The following ACOT11 variants were observed in gnomAD, a reference collection of about 807,000 sequenced individuals.
ACOT11 encodes acyl-coenzyme A thioesterase 11.
Under a neutral mutation model 77.5 loss-of-function variants are expected in ACOT11, and 69 were observed. The ratio of observed to expected loss-of-function variants is 0.89; its 90% CI spans 0.73 to 1.09. ACOT11 has a LOEUF of 1.09. Ranked by LOEUF, ACOT11 falls within the 50% of genes least tolerant of loss-of-function variation. The pLI, the probability that ACOT11 is intolerant of heterozygous loss-of-function variation, is 0.00. For synonymous variants in ACOT11, 279 were observed against 313.0 expected, an observed-to-expected ratio of 0.89 and a Z score of 1.15; for missense variants, 766 against 813.7, an observed-to-expected ratio of 0.94 and a Z score of 0.71.
chr1:54,626,635 A>G (rs1644274556), intron 15 of ACOT11, among the ~76,000 whole-genome samples: 1 of 79,556 alleles, frequency 1.3e-5, no homozygotes, highest in African/African-American at 3.3e-5. Flanking sequence ...GCCTGATTTT[A>G]TCCATCTACT....
At position 54,585,858 on chromosome 1, in the gene ACOT11, T is replaced by A; in HGVS notation, c.265T>A (p.Cys89Ser). Residue 89 changes from cysteine (C) to serine (S), a missense_variant, in exon 3 of 16, where the codon TGT (cysteine) becomes AGT (serine). Transcript: ENST00000343744. ...LSAERHAGCP[C>S]VTASMDDIYF... Reference sequence around the variant, plus strand: ...AGCGGAGAGGCACGCTGGCTGCCCCTGTGTCACAGCTTCCATGGATGACAT... The same window carrying A: ...AGCGGAGAGGCACGCTGGCTGCCCCAGTGTCACAGCTTCCATGGATGACAT... 2 of 1,614,076 alleles carry A rather than the reference T, an allele frequency of 1.2e-6. No individual in the cohort carries two copies. The highest frequency in any genetic ancestry group is 1.7e-6 in the Non-Finnish European group (2 of 1,179,980).
intron 3 of ACOT11, among the ~76,000 whole-genome samples, chr1:54,586,237 G>A (rs77239839): frequency 0.045 from 6,778 of 152,064 alleles, 514 homozygotes; most frequent in African/African-American, 0.16. Flanking sequence ...GAATGGATGG[G>A]GTTAGACTTA....
At chr1:54,605,966 G>A (rs758487895) in intron 13 of ACOT11, among the ~76,000 whole-genome samples, 5 of 152,170 alleles carry the variant, frequency 3.3e-5, no homozygotes, top group Non-Finnish European at 5.9e-5. Flanking sequence ...GAGAATTTCC[G>A]TAAGGAGGTT....
intron 15 of ACOT11, among the ~76,000 whole-genome samples, chr1:54,621,976 A>G (rs1363669145): frequency 6.6e-6 from 1 of 152,002 alleles, no homozygotes; most frequent in Non-Finnish European, 1.5e-5. Context: ...GTGAAGTAGT[A>G]AAAAAAGTTA....
intron 9 of ACOT11, 120 bp from the exon 10 acceptor site, chr1:54,602,549 G>T: frequency 1.1e-6 from 1 of 942,722 alleles, no homozygotes; most frequent in Non-Finnish European, 1.5e-6. Flanking sequence ...GATTCCAGCT[G>T]CCCCAGCGAC....
intron 1 of ACOT11, among the ~76,000 whole-genome samples, chr1:54,563,974 G>A (rs1653644741): frequency 6.6e-6 from 1 of 152,128 alleles, no homozygotes; most frequent in African/African-American, 2.4e-5. Context: ...GCTGAGGCAG[G>A]AGAATCGCTT....
chr1:54,597,688 A>G (rs1278608928), intron 7 of ACOT11: 6 of 487,018 alleles, frequency 1.2e-5, no homozygotes, highest in Non-Finnish European at 2.2e-5. Flanking sequence ...TCTAGTATCT[A>G]TGTTCCCTTC....
In ACOT11 at chr1:54,592,544, A is replaced by G; in HGVS notation, c.312-2A>G. ...GCTCACCTCCTACTTTCCTCTCCCC[A>G]GTGTTGGACAAGTGGTGAATATCAA... is the stretch of plus-strand genomic sequence containing the variant. On this transcript the variant is annotated splice_acceptor_variant, in intron 3 of 15. Transcript: ENST00000343744. LOFTEE classifies it high-confidence loss of function. 1 of 1,611,686 alleles carries G rather than the reference A, an allele frequency of 6.2e-7. No individual in the cohort carries two copies. Among genetic ancestry groups the G allele is most frequent in the Non-Finnish European group, 8.5e-7 (1 of 1,178,922 alleles).
chr1:54,638,208 C>T (rs2101037938), exon 17 of ACOT11: 1 of 152,340 alleles, frequency 6.6e-6, no homozygotes, highest in Admixed American at 6.5e-5. Flanking sequence ...GGCAGACTAA[C>T]TTCTCGACAG....
intron 3 of ACOT11, among the ~76,000 whole-genome samples, chr1:54,591,885 A>G (rs975521320): frequency 6.6e-5 from 10 of 152,258 alleles, no homozygotes; most frequent in African/African-American, 2.4e-4. Flanking sequence ...TGCCAAGCTT[A>G]TTCTGAGGTT....
rs74310754 is a variant in ACOT11 at position 54,601,140 on chromosome 1, C to CATGT, written c.885-129_885-128insATGT. The CATGT allele has an allele frequency of 1.5e-4, 117 of 773,680 alleles. 2 individuals carry two copies. The highest frequency in any genetic ancestry group is 1.9e-4 in the Non-Finnish European group (98 of 510,974). The allele number at this position is 773,680 out of a possible 1,614,324, so 47.9% of individuals were successfully genotyped here. A position where few individuals can be genotyped will look rare whatever the true frequency, so the allele number is the denominator to read the frequency against. ...ACATGTGTGTGTATGTGTGTGCATA[C>CATGT]GTGTGTGTGTGTGCATGCATGTGTG... is the stretch of plus-strand genomic sequence containing the variant. On this transcript the variant is annotated intron_variant, in intron 8 of 15. Transcript: ENST00000343744.
chr1:54,622,598 G>A (rs1442198515), intron 15 of ACOT11, among the ~76,000 whole-genome samples: 1 of 151,960 alleles, frequency 6.6e-6, no homozygotes, highest in Admixed American at 6.6e-5. Flanking sequence ...AATTAGCTGG[G>A]TATGGTTGCA....
In ACOT11 at chr1:54,605,084, G is replaced by A; in HGVS notation, c.1245G>A (p.Leu415=). The A allele has an allele frequency of 6.2e-7, 1 of 1,613,464 alleles. No homozygotes were observed. Among genetic ancestry groups the A allele is most frequent in the Non-Finnish European group, 8.5e-7 (1 of 1,179,924 alleles). Residue 415 remains leucine, a synonymous_variant, in exon 13 of 16, where the codon CTG becomes CTA. Transcript: ENST00000343744. ...VLSSEISQVR[L]YTLEDDKFLS... is the part of the protein sequence containing the mutation. ...CCCTCTATCCCATGCAGGTCCGCCT[G>A]TACACTCTGGAGGATGACAAGTTCC...
downstream of ACOT11, chr1:54,611,614 T>C (rs1279344184): frequency 1.2e-6 from 2 of 1,613,828 alleles, no homozygotes; most frequent in Non-Finnish European, 1.7e-6. Flanking sequence ...ACAGGCCAGC[T>C]GCTTGAACTG....
chr1:54,615,773 G>C (rs556051619), intron 15 of ACOT11, among the ~76,000 whole-genome samples: 7 of 152,310 alleles, frequency 4.6e-5, no homozygotes, highest in African/African-American at 1.4e-4. Flanking sequence ...GCACTTTGCA[G>C]TTCACACTGT....
intron 16 of ACOT11, among the ~76,000 whole-genome samples, chr1:54,633,408 A>G (rs1050507170): frequency 1.2e-4 from 19 of 152,238 alleles, no homozygotes; most frequent in Non-Finnish European, 2.6e-4. Context: ...CTATGGGAGC[A>G]TTACAGCCAG....
chr1:54,620,131 G>T (rs116105596), intron 15 of ACOT11: 3 of 1,028,510 alleles, frequency 2.9e-6, no homozygotes, highest in Non-Finnish European at 4.2e-6. Context: ...CAGAGGGACG[G>T]TGAGGCTCAG....
chr1:54,606,551 G>A (rs755903813), intron 13 of ACOT11, among the ~76,000 whole-genome samples: 1 of 152,180 alleles, frequency 6.6e-6, no homozygotes, highest in South Asian at 2.1e-4. Context: ...CCACCTGATA[G>A]CCTGGACACA....
chr1:54,639,043 A>T (rs2101038293), exon 17 of ACOT11: 1 of 152,004 alleles, frequency 6.6e-6, no homozygotes, highest in African/African-American at 2.4e-5. Context: ...AATTTTAAAA[A>T]ATTAGCCAGA....
Sources: allele counts gnomAD v4.1 joint callset (sites outside exome capture counted in the v4.1 genomes callset), GRCh38; gene constraint gnomAD v4.1.1; transcripts MANE v1.5; gene names NCBI Gene and HGNC (gene_info 2026-07-23, HGNC 2026-07-21).